SUSD1: variants seen among roughly 807,000 people sequenced by gnomAD.
The protein encoded by SUSD1 is sushi domain-containing protein 1.
A neutral mutation model predicts 86.9 loss-of-function variants in SUSD1; 65 were observed. That is an observed-to-expected ratio of 0.75 (90% CI 0.61 to 0.92). SUSD1 has a LOEUF of 0.92. Ranked by LOEUF, SUSD1 falls within the 40% of genes least tolerant of loss-of-function variation. SUSD1 has a pLI of 0.00. For synonymous variants in SUSD1, 346 were observed against 350.0 expected (o/e 0.99, Z 0.13); for missense variants, 850 against 929.7 (o/e 0.91, Z 1.11).
At chr9:112,118,423 C>T (rs1589681597) in intron 6 of SUSD1, among the ~76,000 whole-genome samples, 1 of 152,158 alleles carries the variant, frequency 6.6e-6, no homozygotes, top group Non-Finnish European at 1.5e-5. Flanking sequence ...AGTAGCATGG[C>T]TTAGAGTACG....
At chr9:112,120,882 G>A (rs1831526921) in intron 6 of SUSD1, among the ~76,000 whole-genome samples, 1 of 152,210 alleles carries the variant, frequency 6.6e-6, no homozygotes, top group Non-Finnish European at 1.5e-5. Context: ...GAAGCAAATG[G>A]CTGAGGCTCA....
chr9:112,148,814 G>A (rs913258619), intron 3 of SUSD1, among the ~76,000 whole-genome samples: 1 of 151,988 alleles, frequency 6.6e-6, no homozygotes, highest in African/African-American at 2.4e-5. Flanking sequence ...GCTGAGGCAG[G>A]AGAATCGCTT....
chr9:112,078,770 C>T, intron 11 of SUSD1, 46 bp from the exon 12 acceptor site: 1 of 1,497,822 alleles, frequency 6.7e-7, no homozygotes, highest in South Asian at 1.2e-5. Flanking sequence ...GCCTAAAAGG[C>T]TTTAGATGCC....
intron 5 of SUSD1, among the ~76,000 whole-genome samples, chr9:112,130,825 G>A (rs1247823418): frequency 2.7e-5 from 4 of 145,678 alleles, no homozygotes; most frequent in Non-Finnish European, 6.0e-5. Context: ...AGGAGTTCAA[G>A]AGCAGCCTGG....
intron 1 of SUSD1, among the ~76,000 whole-genome samples, chr9:112,174,549 G>C (rs954738282): frequency 6.6e-6 from 1 of 152,308 alleles, no homozygotes; most frequent in Admixed American, 6.5e-5. Context: ...CGCACTGCCC[G>C]CCCTCATCGC....
intron 10 of SUSD1, among the ~76,000 whole-genome samples, chr9:112,086,506 AAAAG>A (rs112361911): frequency 7.3e-5 from 11 of 150,094 alleles, no homozygotes; most frequent in African/African-American, 1.5e-4. Flanking sequence ...AACTATGAAA[AAAAG>A]AAAGAAAGAA....
intron 6 of SUSD1, 124 bp downstream of exon 6, chr9:112,124,133 A>G: frequency 1.1e-6 from 1 of 897,406 alleles, no homozygotes; most frequent in Non-Finnish European, 1.6e-6. Flanking sequence ...CAGGTGCACA[A>G]CCAGGTAAAT....
rs575332738 is a variant in SUSD1 at position 112,095,904 on chromosome 9, T to C, written c.1474+2566A>G. Among the ~76,000 whole-genome samples, 61 of 152,230 alleles carry C rather than the reference T, an allele frequency of 4.0e-4. 1 individual carries two copies. In the South Asian group the frequency reaches 0.012, roughly 30 times the overall value. On this transcript the variant is annotated intron_variant, in intron 10 of 16. Coordinates refer to ENST00000374270, the MANE Select transcript of SUSD1 (RefSeq NM_022486.5). ...AGCAATGGTGAAGCTTGGGTAGAAA[T>C]AGGGCTCAAGGGAGCAACGAAAATG... is the stretch of plus-strand genomic sequence containing the variant.
chr9:112,173,236 T>C (rs569402762), intron 1 of SUSD1, among the ~76,000 whole-genome samples: 57 of 152,028 alleles, frequency 3.7e-4, no homozygotes, highest in Non-Finnish European at 6.5e-4. Flanking sequence ...GATCAAGCCA[T>C]TGAAATACCC....
At chr9:112,115,686 A>G (rs1485687746) in intron 6 of SUSD1, among the ~76,000 whole-genome samples, 2 of 151,652 alleles carry the variant, frequency 1.3e-5, no homozygotes, top group African/African-American at 2.4e-5. Flanking sequence ...GTACATACCT[A>G]TAATTCCAGC....
intron 1 of SUSD1, among the ~76,000 whole-genome samples, chr9:112,165,922 AAAAG>A (rs201767974): frequency 0.019 from 1,536 of 79,742 alleles, 32 homozygotes; most frequent in Middle Eastern, 0.061. Context: ...AGGAAGAAAG[AAAAG>A]AAAGAAAGAA....
At chr9:112,133,087 G>T (rs1832099580) in intron 5 of SUSD1, among the ~76,000 whole-genome samples, 3 of 152,170 alleles carry the variant, frequency 2.0e-5, no homozygotes, top group Admixed American at 2.0e-4. Context: ...AGACCAGCCT[G>T]GGCAACATGT....
At chr9:112,173,394 G>A (rs1834128187) in intron 1 of SUSD1, 2 of 105,282 alleles carry the variant, frequency 1.9e-5, no homozygotes, top group Non-Finnish European at 3.7e-5. Flanking sequence ...GAAGATGGGG[G>A]TTCCTTAGAC....
At chr9:112,081,796 A>T (rs1829778624) in intron 10 of SUSD1, among the ~76,000 whole-genome samples, 1 of 152,258 alleles carries the variant, frequency 6.6e-6, no homozygotes, top group Admixed American at 6.5e-5. Context: ...ATACACTACG[A>T]CCAAAGATTT....
Position 112,098,458 on chromosome 9 carries a change from G to T in SUSD1, c.1474+12C>A, listed in dbSNP as rs75924727. The T allele has an allele frequency of 1.9e-6, 3 of 1,613,288 alleles. No individual in the cohort carries two copies. Among genetic ancestry groups the T allele is most frequent in the Non-Finnish European group, 2.5e-6 (3 of 1,179,520 alleles). On this transcript the variant is annotated intron_variant, in intron 10 of 16. Transcript: ENST00000374270. ...GTCCTGAGGCACAAAAAAGAAAGAC[G>T]TCTACACCCACCTGCTGGGGGAGTT...
At chr9:112,139,057 C>T (rs938162463) in intron 5 of SUSD1, among the ~76,000 whole-genome samples, 10 of 152,116 alleles carry the variant, frequency 6.6e-5, no homozygotes, top group African/African-American at 2.2e-4. Context: ...ATTAGATATA[C>T]CAGCAAGTAT....
intron 8 of SUSD1, among the ~76,000 whole-genome samples, chr9:112,107,410 C>G (rs924077007): frequency 6.6e-6 from 1 of 152,034 alleles, no homozygotes; most frequent in African/African-American, 2.4e-5. Context: ...GATCACGCCA[C>G]TGCACTCCAG....
rs964197406 is a variant in SUSD1 at position 112,143,329 on chromosome 9, T to C, written c.526+142A>G. ...CCCCCTGTAACTTGATTGTTGTTAT[T>C]TGCTTTATGTCATAGGTTGTACAAA... is the stretch of plus-strand genomic sequence containing the variant. On this transcript the variant is annotated intron_variant, in intron 4 of 16. Coordinates refer to ENST00000374270, the MANE Select transcript of SUSD1 (RefSeq NM_022486.5). 3 of 796,116 alleles carry C rather than the reference T, an allele frequency of 3.8e-6. No homozygotes were observed. The African/African-American group carries it at 5.3e-5, about 14-fold the overall frequency. The allele number at this position is 796,116 out of a possible 1,614,324, so 49.3% of individuals were successfully genotyped here.
chr9:112,112,951 A>G, intron 6 of SUSD1, 83 bp from the exon 7 acceptor site: 3 of 793,228 alleles, frequency 3.8e-6, no homozygotes, highest in South Asian at 1.5e-5. Flanking sequence ...CTCTCTGCAT[A>G]GCTGGTATCT....
Sources: allele counts gnomAD v4.1 joint callset (sites outside exome capture counted in the v4.1 genomes callset), GRCh38; gene constraint gnomAD v4.1.1; transcripts MANE v1.5; gene names NCBI Gene and HGNC (gene_info 2026-07-23, HGNC 2026-07-21).